CFAP299: variants seen among roughly 807,000 people sequenced by gnomAD.
The protein encoded by CFAP299 is cilia and flagella associated protein 299.
Under a neutral mutation model 27.0 loss-of-function variants are expected in CFAP299, and 21 were observed. The ratio of observed to expected loss-of-function variants is 0.78; its 90% CI spans 0.55 to 1.12. CFAP299 has a LOEUF of 1.12. CFAP299 is among the 50% of genes most tolerant of loss of function. The probability of loss-of-function intolerance (pLI) is 0.00; values close to 1 mark genes in which losing one functional copy is unlikely to be tolerated. For synonymous variants in CFAP299, 104 were observed against 98.1 expected, an observed-to-expected ratio of 1.06 and a Z score of -0.36; for missense variants, 310 against 276.6, an observed-to-expected ratio of 1.12 and a Z score of -0.86.
chr4:80,765,772 TTA>T (rs1725828019), intron 3 of CFAP299, among the ~76,000 whole-genome samples: 1 of 152,118 alleles, frequency 6.6e-6, no homozygotes, highest in African/African-American at 2.4e-5. Flanking sequence ...TTAATATTAT[TTA>T]TGTTATTTAT....
chr4:80,556,033 A>T (rs1192766816), intron 2 of CFAP299, among the ~76,000 whole-genome samples: 1 of 152,110 alleles, frequency 6.6e-6, no homozygotes, highest in Admixed American at 6.6e-5. Flanking sequence ...AAATGAAAAC[A>T]ATCAGCAACA....
At chr4:80,594,626 G>A (rs1736964393) in intron 3 of CFAP299, among the ~76,000 whole-genome samples, 1 of 150,770 alleles carries the variant, frequency 6.6e-6, no homozygotes, top group South Asian at 2.1e-4. Flanking sequence ...TTTAATCTTT[G>A]TATCGCATTC....
intron 2 of CFAP299, among the ~76,000 whole-genome samples, chr4:80,488,988 T>C (rs552492123): frequency 6.6e-6 from 1 of 152,236 alleles, no homozygotes; most frequent in Non-Finnish European, 1.5e-5. Context: ...TCCTTTGTAC[T>C]GATTCACCTT....
At chr4:80,800,329 T>C (rs1388813456) in intron 3 of CFAP299, among the ~76,000 whole-genome samples, 1 of 71,124 alleles carries the variant, frequency 1.4e-5, no homozygotes, top group Non-Finnish European at 2.3e-5. Context: ...TACATTAATA[T>C]TAATATATAT....
chr4:80,521,354 C>G (rs1023329897), intron 2 of CFAP299, among the ~76,000 whole-genome samples: 1 of 152,068 alleles, frequency 6.6e-6, no homozygotes, highest in African/African-American at 2.4e-5. Context: ...ATTTAAATGT[C>G]AGTGGTATCT....
chr4:80,841,158 T>C (rs1401431228), intron 3 of CFAP299, among the ~76,000 whole-genome samples: 1 of 152,158 alleles, frequency 6.6e-6, no homozygotes, highest in Non-Finnish European at 1.5e-5. Context: ...GTTGAATAAA[T>C]GAAATGTTAA....
chr4:80,443,970 A>G (rs571532036), intron 2 of CFAP299, among the ~76,000 whole-genome samples: 1 of 152,294 alleles, frequency 6.6e-6, no homozygotes, highest in African/African-American at 2.4e-5. Flanking sequence ...TCCAACTTAC[A>G]AGAGAAGTGA....
In CFAP299 at chr4:80,514,166, G is replaced by A. The variant is rs115430174; in HGVS notation, c.243-68927G>A. 1.1e-3 allele frequency among the ~76,000 whole-genome samples: 168 copies of A among 151,940 alleles called. 1 individual carries two copies. The highest frequency in any genetic ancestry group is 3.8e-3 in the African/African-American group (157 of 41,482). On this transcript the variant is annotated intron_variant, in intron 2 of 5. Transcript: ENST00000358105. ...GTCAAAGAGATTTTTTATAATTTTA[G>A]ACTAACATCAATTCAAAAAATAGAC...
intron 3 of CFAP299, among the ~76,000 whole-genome samples, chr4:80,603,172 T>C (rs1443606078): frequency 6.6e-6 from 1 of 152,136 alleles, no homozygotes; most frequent in Non-Finnish European, 1.5e-5. Flanking sequence ...AAAATGAGAA[T>C]ATGAAAGGCC....
rs749080160 is a variant in CFAP299 at position 80,617,939 on chromosome 4, G to A, written c.333+34756G>A. Among the ~76,000 whole-genome samples, 3 of 151,876 alleles carry A rather than the reference G, an allele frequency of 2.0e-5. No individual in the cohort carries two copies. In the South Asian group the frequency reaches 6.2e-4, roughly 32 times the overall value. ...GCCCAAAGGAATTAAAAATACGTAG[G>A]GTCATGTTTTCTTACTTTCAGAATG... On this transcript the variant is annotated intron_variant, in intron 3 of 5. Coordinates refer to ENST00000358105, the MANE Select transcript of CFAP299 (RefSeq NM_152770.3).
At chr4:80,663,634 C>A (rs1363842695) in intron 3 of CFAP299, among the ~76,000 whole-genome samples, 1 of 152,146 alleles carries the variant, frequency 6.6e-6, no homozygotes, top group Non-Finnish European at 1.5e-5. Context: ...TATTTATAAT[C>A]CTTTGGGCAT....
chr4:80,655,869 C>T (rs567000526), intron 3 of CFAP299, among the ~76,000 whole-genome samples: 6 of 152,266 alleles, frequency 3.9e-5, no homozygotes, highest in East Asian at 1.9e-4. Context: ...GTACACTTTT[C>T]ACCCTGCTCT....
chr4:80,648,362 G>A (rs1329682549), intron 3 of CFAP299, among the ~76,000 whole-genome samples: 2 of 152,110 alleles, frequency 1.3e-5, no homozygotes, highest in African/African-American at 2.4e-5. Context: ...TTTTAAAATG[G>A]TAACTACTTG....
intron 1 of CFAP299, among the ~76,000 whole-genome samples, chr4:80,345,378 A>G (rs920592781): frequency 8.6e-5 from 13 of 151,954 alleles, no homozygotes; most frequent in African/African-American, 3.1e-4. Flanking sequence ...GCACCCATTA[A>G]CTAGTCATTT....
At chr4:80,668,777 G>A (rs1351435732) in intron 3 of CFAP299, among the ~76,000 whole-genome samples, 1 of 152,016 alleles carries the variant, frequency 6.6e-6, no homozygotes, top group Non-Finnish European at 1.5e-5. Flanking sequence ...AAAAGACTTT[G>A]ACTACTTACT....
rs183990325 is a variant in CFAP299 at position 80,357,082 on chromosome 4, C to T, written c.112-5672C>T. On this transcript the variant is annotated intron_variant, in intron 1 of 5. Transcript: ENST00000358105. ...TTTTATCCAAGGTCTTTTCTGCATA[C>T]TATTGAAATAATCATGTGGTTTTTT... 6.2e-3 allele frequency among the ~76,000 whole-genome samples: 947 copies of T among 152,170 alleles called. 2 individuals carry two copies. The highest frequency in any genetic ancestry group is 0.024 in the Middle Eastern group (7 of 294).
chr4:80,762,017 T>C (rs1179652154), intron 3 of CFAP299, among the ~76,000 whole-genome samples: 1 of 152,024 alleles, frequency 6.6e-6, no homozygotes. Context: ...TACATGTTTA[T>C]ATGTGTTTGG....
At chr4:80,355,274 T>C (rs1313277918) in intron 1 of CFAP299, among the ~76,000 whole-genome samples, 2 of 151,874 alleles carry the variant, frequency 1.3e-5, no homozygotes, top group Non-Finnish European at 2.9e-5. Context: ...CGTTCTCTAA[T>C]AATCAGTGAT....
intron 2 of CFAP299, among the ~76,000 whole-genome samples, chr4:80,475,532 G>T (rs1730233519): frequency 6.6e-6 from 1 of 152,178 alleles, no homozygotes; most frequent in Admixed American, 6.5e-5. Flanking sequence ...AAATTGTAGT[G>T]TCATTAACTG....
Sources: gnomAD v4.1 joint callset for allele counts (sites outside exome capture counted in the v4.1 genomes callset) on GRCh38, gnomAD v4.1.1 for gene constraint, MANE v1.5 for transcripts, NCBI Gene and HGNC (gene_info 2026-07-23, HGNC 2026-07-21) for gene names.